MYO3B: variants seen among roughly 807,000 people sequenced by gnomAD.
MYO3B encodes myosin IIIB, also known as myosin-IIIb.
In MYO3B, 156 loss-of-function variants were observed where a neutral mutation model predicts 174.6. The ratio of observed to expected loss-of-function variants is 0.89; its 90% CI spans 0.78 to 1.02. The LOEUF (loss-of-function observed/expected upper bound fraction) is 1.02. Among genes scored for constraint, MYO3B ranks in the 50% least tolerant of loss-of-function variants. The pLI is 0.00. For missense variants in MYO3B, 1,632 were observed against 1,639.4 expected (o/e 1.00, Z 0.08); for synonymous variants, 563 against 569.1 (o/e 0.99, Z 0.15).
intron 7 of MYO3B, among the ~76,000 whole-genome samples, chr2:170,271,855 T>G (rs939969476): frequency 2.0e-5 from 3 of 152,172 alleles, no homozygotes; most frequent in Non-Finnish European, 2.9e-5. Context: ...TGACTTTTGT[T>G]TTTAAGTTAC....
intron 7 of MYO3B, among the ~76,000 whole-genome samples, chr2:170,319,166 A>G (rs779557381): frequency 6.6e-6 from 1 of 152,190 alleles, no homozygotes; most frequent in Non-Finnish European, 1.5e-5. Context: ...TCAATTCTCA[A>G]ACTGCACTAT....
intron 16 of MYO3B, 103 bp from the exon 17 acceptor site, chr2:170,400,085 G>A (rs2094465121): frequency 1.4e-6 from 2 of 1,463,732 alleles, no homozygotes; most frequent in Admixed American, 1.8e-5. Context: ...AAAAGAGGGA[G>A]AATGGACTTT....
At chr2:170,517,005 A>G (rs1175284558) in intron 29 of MYO3B, among the ~76,000 whole-genome samples, 3 of 151,644 alleles carry the variant, frequency 2.0e-5, no homozygotes, top group Admixed American at 6.6e-5. Context: ...TCAGCAATTC[A>G]TTTGCCAGAG....
chr2:170,180,163 G>C (rs1328303398), intron 1 of MYO3B: 2 of 447,762 alleles, frequency 4.5e-6, no homozygotes, highest in South Asian at 1.6e-5. Context: ...ATGCTGCAGA[G>C]TGCTTTACTT....
intron 32 of MYO3B, among the ~76,000 whole-genome samples, chr2:170,576,407 A>C (rs1692783959): frequency 6.6e-6 from 1 of 152,188 alleles, no homozygotes. Flanking sequence ...TGCCAGAATG[A>C]AGATCTGTTG....
chr2:170,394,850 A>G (rs1280834103), intron 16 of MYO3B, among the ~76,000 whole-genome samples: 2 of 152,246 alleles, frequency 1.3e-5, no homozygotes, highest in Non-Finnish European at 1.5e-5. Context: ...AAATTCAGAA[A>G]GATCCAGTTG....
intron 8 of MYO3B, among the ~76,000 whole-genome samples, chr2:170,367,802 TA>T (rs1459552497): frequency 6.6e-6 from 1 of 152,120 alleles, no homozygotes; most frequent in Non-Finnish European, 1.5e-5. Context: ...CACAGAAAAA[TA>T]ATAGATTATA....
chr2:170,213,635 C>T (rs764002933), intron 3 of MYO3B, among the ~76,000 whole-genome samples: 1 of 151,996 alleles, frequency 6.6e-6, no homozygotes, highest in Non-Finnish European at 1.5e-5. Flanking sequence ...GAGGGTCTGT[C>T]TCTCTTCTCT....
At chr2:170,284,826 A>G (rs2093541783) in intron 7 of MYO3B, among the ~76,000 whole-genome samples, 1 of 152,158 alleles carries the variant, frequency 6.6e-6, no homozygotes, top group African/African-American at 2.4e-5. Flanking sequence ...CTCCTTTCCT[A>G]TAGATGACCA....
intron 32 of MYO3B, among the ~76,000 whole-genome samples, chr2:170,603,411 C>T (rs1694634835): frequency 1.3e-5 from 2 of 152,038 alleles, no homozygotes; most frequent in South Asian, 4.2e-4. Flanking sequence ...ATTTGATAGC[C>T]CATAAAATAT....
intron 9 of MYO3B, among the ~76,000 whole-genome samples, chr2:170,379,274 A>C (rs2094317953): frequency 1.4e-5 from 2 of 147,892 alleles, no homozygotes; most frequent in Admixed American, 1.4e-4. Flanking sequence ...GGCTCACTGC[A>C]ACCTCTGCCT....
In MYO3B at chr2:170,652,982, G is replaced by A; in HGVS notation, c.3888-1G>A. 1.2e-6 allele frequency: 2 copies of A among 1,613,428 alleles called. No homozygotes were observed. Among genetic ancestry groups the A allele is most frequent in the Non-Finnish European group, 1.7e-6 (2 of 1,179,786 alleles). ...AAATCCTGTTGTTTTCTTTGTTGCA[G>A]CCAAATCAAAGTACTTGATGGGGAA... On this transcript the variant is annotated splice_acceptor_variant, in intron 34 of 34. Coordinates refer to ENST00000408978, the MANE Select transcript of MYO3B (RefSeq NM_138995.5). LOFTEE classifies it high-confidence loss of function.
At chr2:170,347,217 G>A (rs1035186499) in intron 8 of MYO3B, among the ~76,000 whole-genome samples, 17 of 152,206 alleles carry the variant, frequency 1.1e-4, no homozygotes, top group African/African-American at 3.4e-4. Flanking sequence ...CTGACATGGT[G>A]AAGTGTACTT....
intron 28 of MYO3B, among the ~76,000 whole-genome samples, chr2:170,514,379 T>C (rs1220143554): frequency 6.6e-6 from 1 of 152,156 alleles, no homozygotes; most frequent in Admixed American, 6.5e-5. Context: ...ATGTAGTCCA[T>C]CTTCTCCCTG....
chr2:170,400,900 G>A (rs750362793), intron 17 of MYO3B, among the ~76,000 whole-genome samples: 8 of 151,158 alleles, frequency 5.3e-5, no homozygotes, highest in Admixed American at 1.3e-4. Flanking sequence ...GCGCTATCTC[G>A]GCTCACTGCG....
intron 7 of MYO3B, among the ~76,000 whole-genome samples, chr2:170,255,402 AAG>A (rs1214608422): frequency 2.6e-5 from 4 of 152,178 alleles, no homozygotes; most frequent in Non-Finnish European, 4.4e-5. Flanking sequence ...AAGTACAAAA[AAG>A]GTACATAACT....
intron 25 of MYO3B, among the ~76,000 whole-genome samples, chr2:170,489,806 C>T (rs12996767): frequency 0.13 from 20,341 of 152,000 alleles, 1,677 homozygotes; most frequent in Non-Finnish European, 0.18. Context: ...GGTCCACCCA[C>T]ATTATAGAGG....
In MYO3B at chr2:170,391,563, C is replaced by A; in HGVS notation, c.1621C>A (p.Leu541Ile). Reference sequence around the variant, plus strand: ...TATATTTTACTATATTTATGCTGGTCTTCATCACCAAAAGAAGCTTTCTGA... The same window carrying A: ...TATATTTTACTATATTTATGCTGGTATTCATCACCAAAAGAAGCTTTCTGA... ...FHIFYYIYAG[L>I]HHQKKLSDFR... Residue 541 changes from leucine (L) to isoleucine (I), a missense_variant, in exon 15 of 35, where the codon CTT becomes ATT. Coordinates refer to ENST00000408978, the MANE Select transcript of MYO3B (RefSeq NM_138995.5). The A allele has an allele frequency of 6.3e-7, 1 of 1,580,482 alleles. No homozygotes were observed. The highest frequency in any genetic ancestry group is 8.6e-7 in the Non-Finnish European group (1 of 1,167,204).
chr2:170,495,395 C>T (rs553650162), intron 25 of MYO3B, among the ~76,000 whole-genome samples: 1 of 152,280 alleles, frequency 6.6e-6, no homozygotes, highest in Non-Finnish European at 1.5e-5. Context: ...CATGTTTCTT[C>T]ACTATATTTT....
Sources: gnomAD v4.1 joint callset for allele counts (sites outside exome capture counted in the v4.1 genomes callset) on GRCh38, gnomAD v4.1.1 for gene constraint, MANE v1.5 for transcripts, NCBI Gene and HGNC (gene_info 2026-07-23, HGNC 2026-07-21) for gene names.